MARCHF6: variants seen among roughly 807,000 people sequenced by gnomAD.
MARCHF6 encodes the protein membrane associated ring-CH-type finger 6, also known as E3 ubiquitin-protein ligase MARCHF6.
A neutral mutation model predicts 133.7 loss-of-function variants in MARCHF6; 31 were observed. The observed-to-expected ratio is 0.23, with a 90% CI of 0.17 to 0.31. MARCHF6 has a LOEUF of 0.31. MARCHF6 is among the 10% of genes least tolerant of loss of function. MARCHF6 has a pLI of 1.00. For missense variants in MARCHF6, 723 were observed against 1,121.6 expected, an observed-to-expected ratio of 0.64 and a Z score of 5.08; for synonymous variants, 395 against 402.5, an observed-to-expected ratio of 0.98 and a Z score of 0.22.
intron 22 of MARCHF6, among the ~76,000 whole-genome samples, chr5:10,420,151 C>T (rs907702796): frequency 3.3e-5 from 5 of 152,174 alleles, no homozygotes; most frequent in South Asian, 2.1e-4. Flanking sequence ...GGGCTTCTTA[C>T]GTTGTAGTTC....
rs1365804247 is a variant in MARCHF6, at chr5:10,394,805, T to TC, written c.861+20_861+21insC. 8.6e-6 allele frequency: 13 copies of TC among 1,516,646 alleles called. No individual in the cohort carries two copies. The highest frequency in any genetic ancestry group is 1.1e-5 in the Non-Finnish European group (12 of 1,113,624). 93.9% of individuals were successfully genotyped at this position (1,516,646 alleles called of 1,614,324 possible). ...TTTCTGGTAAGTAAAACTAATTTTT[T>TC]TTTTTTTTTTTTGAGACGGAATCTC... On this transcript the variant is annotated intron_variant, in intron 9 of 25. Coordinates refer to ENST00000274140, the MANE Select transcript of MARCHF6 (RefSeq NM_005885.4).
At chr5:10,421,054 A>C (rs951742755) in intron 22 of MARCHF6, among the ~76,000 whole-genome samples, 2 of 152,172 alleles carry the variant, frequency 1.3e-5, no homozygotes, top group Non-Finnish European at 2.9e-5. Context: ...AATAAATGCA[A>C]CTTGTTCTAG....
At chr5:10,367,189 C>T (rs1216199657) in intron 1 of MARCHF6, among the ~76,000 whole-genome samples, 1 of 152,034 alleles carries the variant, frequency 6.6e-6, no homozygotes, top group African/African-American at 2.4e-5. Context: ...CCCAGAGGAG[C>T]CCAAGGAGAC....
intron 24 of MARCHF6, among the ~76,000 whole-genome samples, chr5:10,429,688 A>C (rs1318769012): frequency 6.6e-6 from 1 of 152,146 alleles, no homozygotes; most frequent in Non-Finnish European, 1.5e-5. Flanking sequence ...GGCGCGAGCT[A>C]CTATGCCTGG....
In MARCHF6 at chr5:10,430,425, C is replaced by CCT. The variant is rs1484099608; in HGVS notation, c.2642+399_2642+400dup. On this transcript the variant is annotated intron_variant, in intron 25 of 25. Coordinates refer to ENST00000274140, the MANE Select transcript of MARCHF6 (RefSeq NM_005885.4). ...GGTTCAAGCGATTCTCCTGCCTCAGCCTCCCAAGTAGCTGGGATTACAGGT... is the reference window on the plus strand; with the variant it reads ...GGTTCAAGCGATTCTCCTGCCTCAGCCTCTCCCAAGTAGCTGGGATTACAGGT... 2.6e-5 allele frequency among the ~76,000 whole-genome samples: 4 copies of CCT among 151,850 alleles called. No homozygotes were observed. The East Asian group carries it at 7.8e-4, about 29-fold the overall frequency.
At chr5:10,401,133 A>G in intron 11 of MARCHF6, 1 of 317,898 alleles carries the variant, frequency 3.1e-6, no homozygotes, top group Non-Finnish European at 5.8e-6. Context: ...AAGAACCTGT[A>G]TGTTCTCTTC....
intron 22 of MARCHF6, among the ~76,000 whole-genome samples, chr5:10,421,125 C>A (rs1464649108): frequency 6.6e-6 from 1 of 152,180 alleles, no homozygotes; most frequent in East Asian, 1.9e-4. Flanking sequence ...ATCATCATCA[C>A]CTTAGAGAAT....
chr5:10,405,817 G>A (rs531138705), intron 16 of MARCHF6, 140 bp downstream of exon 16: 1 of 630,922 alleles, frequency 1.6e-6, no homozygotes. Context: ...GTGGTATTCA[G>A]TTGTCAAGTA....
At chr5:10,390,549 T>G in intron 6 of MARCHF6, 49 bp downstream of exon 6, 1 of 1,528,842 alleles carries the variant, frequency 6.5e-7, no homozygotes, top group South Asian at 1.2e-5. Flanking sequence ...GTCATGAGAA[T>G]TATTGTTTCT....
intron 15 of MARCHF6, among the ~76,000 whole-genome samples, chr5:10,404,029 AC>A (rs1442577748): frequency 1.1e-4 from 16 of 143,796 alleles, no homozygotes; most frequent in African/African-American, 2.6e-5. Flanking sequence ...CTGATGGATT[AC>A]CTTTATTTAT....
chr5:10,408,041 G>A (rs1221519222), intron 17 of MARCHF6, among the ~76,000 whole-genome samples: 7 of 146,608 alleles, frequency 4.8e-5, no homozygotes, highest in South Asian at 4.2e-4. Flanking sequence ...TTAGGGATTT[G>A]TATTATCCCC....
intron 10 of MARCHF6, among the ~76,000 whole-genome samples, chr5:10,398,625 A>T (rs1738332912): frequency 6.6e-6 from 1 of 152,032 alleles, no homozygotes; most frequent in East Asian, 1.9e-4. Context: ...TATAGATTTA[A>T]GTCTTTACTC....
chr5:10,428,777 CATTAATAGTATATAGACT>C (rs1302227180), intron 24 of MARCHF6, among the ~76,000 whole-genome samples: 2 of 151,992 alleles, frequency 1.3e-5, no homozygotes, highest in East Asian at 3.9e-4. Context: ...ATGTTCTGCC[CATTAATAGTATATAGACT>C]TAAGAATTTG....
intron 4 of MARCHF6, among the ~76,000 whole-genome samples, chr5:10,384,789 G>C (rs1737364298): frequency 6.6e-6 from 1 of 152,202 alleles, no homozygotes; most frequent in Non-Finnish European, 1.5e-5. Flanking sequence ...AAAACTGGCA[G>C]TATCTACTGA....
At chr5:10,362,454 G>A (rs2126647212) in intron 1 of MARCHF6, among the ~76,000 whole-genome samples, 1 of 152,262 alleles carries the variant, frequency 6.6e-6, no homozygotes, top group South Asian at 2.1e-4. Context: ...TCTTAAAATT[G>A]AGGACCCAAA....
At chr5:10,400,056 A>G (rs73740709) in intron 10 of MARCHF6, among the ~76,000 whole-genome samples, 48 of 152,266 alleles carry the variant, frequency 3.2e-4, no homozygotes, top group African/African-American at 1.2e-3. Flanking sequence ...TTAATAGTAT[A>G]TGTGAGGAGC....
intron 24 of MARCHF6, 106 bp downstream of exon 24, chr5:10,426,628 A>G: frequency 8.2e-7 from 1 of 1,213,382 alleles, no homozygotes; most frequent in Non-Finnish European, 1.2e-6. Flanking sequence ...CTTTATTTGT[A>G]AATGTGAATC....
intron 1 of MARCHF6, among the ~76,000 whole-genome samples, chr5:10,364,636 A>G (rs954685493): frequency 2.6e-5 from 4 of 152,152 alleles, no homozygotes; most frequent in Non-Finnish European, 5.9e-5. Context: ...AATTGTTGGA[A>G]TCATTCATTG....
At position 10,435,579 on chromosome 5, in the gene MARCHF6, GC is replaced by G. The variant is rs988721302; in HGVS notation, c.*1896del. The G allele has an allele frequency of 5.8e-5, 7 of 120,118 alleles. No individual in the cohort carries two copies. The highest frequency in any genetic ancestry group is 2.2e-4 in the African/African-American group (7 of 32,012). 7.4% of individuals were successfully genotyped at this position (120,118 alleles called of 1,614,324 possible). A position where few individuals can be genotyped will look rare whatever the true frequency, so the allele number is the denominator to read the frequency against. ...GCCTGTCATAGTGTATTTCTAAATT[GC>G]TCTCTTTGGGAGAAAAACATTATTA... On this transcript the variant is annotated 3_prime_UTR_variant, in exon 26 of 26. Coordinates refer to ENST00000274140, the MANE Select transcript of MARCHF6 (RefSeq NM_005885.4).
Sources: allele counts gnomAD v4.1 joint callset (sites outside exome capture counted in the v4.1 genomes callset), GRCh38; gene constraint gnomAD v4.1.1; transcripts MANE v1.5; gene names NCBI Gene and HGNC (gene_info 2026-07-23, HGNC 2026-07-21).